Variants in C12orf43 observed in about 807,000 individuals in gnomAD.
The protein encoded by C12orf43 is protein CUSTOS.
Under a neutral mutation model 20.6 loss-of-function variants are expected in C12orf43, and 15 were observed. That is an observed-to-expected ratio of 0.73 (90% CI 0.49 to 1.12). The LOEUF (loss-of-function observed/expected upper bound fraction) is 1.12, where lower values mean the gene tolerates loss of function less well. Ranked by LOEUF, C12orf43 falls within the 50% of genes most tolerant of loss-of-function variation. C12orf43 has a pLI of 0.00. For missense variants in C12orf43, 334 were observed against 344.4 expected (o/e 0.97, Z 0.24); for synonymous variants, 144 against 130.8 (o/e 1.10, Z -0.69).
At chr12:121,009,856 G>A (rs1034406612) in intron 3 of C12orf43, among the ~76,000 whole-genome samples, 4 of 152,238 alleles carry the variant, frequency 2.6e-5, no homozygotes, top group Admixed American at 1.3e-4. Context: ...AACCTGTGCT[G>A]AGAATGTAAG....
chr12:121,007,153 C>T (rs1465026640), intron 3 of C12orf43: 1 of 151,958 alleles, frequency 6.6e-6, no homozygotes, highest in African/African-American at 2.4e-5. Context: ...GCTTCTGGAG[C>T]AGGGCAGACC....
At chr12:121,008,093 G>C (rs2135873407) in intron 3 of C12orf43, among the ~76,000 whole-genome samples, 1 of 151,986 alleles carries the variant, frequency 6.6e-6, no homozygotes, top group South Asian at 2.1e-4. Flanking sequence ...AAGGTTGAGA[G>C]ACACTGACCT....
chr12:121,005,206 G>C lies in C12orf43; in HGVS notation c.362-113C>G. On this transcript the variant is annotated intron_variant, in intron 4 of 5. Coordinates refer to ENST00000288757, the MANE Select transcript of C12orf43 (RefSeq NM_022895.3). This position sits in a 1 kb window ranked among gnomAD's most constrained non-coding sequence, Gnocchi z 5.6. ...AAAAATTTTAAAAAGGAAAACGAAA[G>C]AAAGAAAAGATAAAGAGAAACAAAA... 3 of 537,050 alleles carry C rather than the reference G, an allele frequency of 5.6e-6. No individual in the cohort carries two copies. The highest frequency in any genetic ancestry group is 2.8e-6 in the Non-Finnish European group (1 of 356,964). 33.3% of individuals were successfully genotyped at this position (537,050 alleles called of 1,614,324 possible).
intron 1 of C12orf43, among the ~76,000 whole-genome samples, chr12:121,011,460 AATAGTTATATATATAAC>A (rs1232733207): frequency 6.7e-6 from 1 of 148,422 alleles, no homozygotes; most frequent in Non-Finnish European, 1.5e-5. Context: ...TAAAACTTAA[AATAGTTATATATATAAC>A]TTAGTTATAT....
intron 3 of C12orf43, 84 bp from the exon 4 acceptor site, chr12:121,006,478 G>A: frequency 7.5e-7 from 1 of 1,331,238 alleles, no homozygotes; most frequent in South Asian, 1.2e-5. Context: ...GGAGGGGATG[G>A]GGTATGTGAT....
intron 1 of C12orf43, among the ~76,000 whole-genome samples, chr12:121,013,506 T>C (rs956964884): frequency 2.0e-5 from 3 of 152,192 alleles, no homozygotes; most frequent in African/African-American, 4.8e-5. Context: ...ATCCCCTTCC[T>C]GGATTTGTAA....
rs549306957 is a variant in C12orf43 at position 121,001,405 on chromosome 12, C to T, written c.*2748G>A. The T allele has an allele frequency of 8.3e-6, 5 of 599,446 alleles. No homozygotes were observed. The highest frequency in any genetic ancestry group is 5.8e-5 in the South Asian group (3 of 51,446). 37.1% of individuals were successfully genotyped at this position (599,446 alleles called of 1,614,324 possible). A position where few individuals can be genotyped will look rare whatever the true frequency, so the allele number is the denominator to read the frequency against. ...CTGCTCGGGGTGCACAGGAGGGGGT[C>T]GTGGAGAGCTAGGAGCAAAGCCTGT... On this transcript the variant is annotated 3_prime_UTR_variant, in exon 6 of 6. Transcript: ENST00000288757.
Position 121,005,012 on chromosome 12 carries a change from G to T in C12orf43, c.443C>A (p.Ser148Tyr). Reference protein sequence around the residue: ...SPQPRRKRQPSSSSEDSDEEW... With the variant: ...SPQPRRKRQPYSSSEDSDEEW... Reference sequence around the variant, plus strand: ...AGGTGTGAGTTCTCACCTGGAGCTGGAGGGCTGTCGCTTTCGGCGGGGTTG... The same window carrying T: ...AGGTGTGAGTTCTCACCTGGAGCTGTAGGGCTGTCGCTTTCGGCGGGGTTG... The change falls in exon 5 of 6, where the codon TCC becomes TAC. Residue 148 changes from serine to tyrosine, a missense_variant. Coordinates refer to ENST00000288757, the MANE Select transcript of C12orf43 (RefSeq NM_022895.3). The surrounding 1 kb of genome is among the most constrained non-coding windows in gnomAD (Gnocchi z 5.6). 1 of 1,541,186 alleles carries T rather than the reference G, an allele frequency of 6.5e-7. No individual in the cohort carries two copies.
In C12orf43 at chr12:121,001,312, G is replaced by A; in HGVS notation, c.*2841C>T. 3 of 1,240,376 alleles carry A rather than the reference G, an allele frequency of 2.4e-6. No individual in the cohort carries two copies. Among genetic ancestry groups the A allele is most frequent in the South Asian group, 2.6e-5 (2 of 75,610 alleles). 76.8% of individuals were successfully genotyped at this position (1,240,376 alleles called of 1,614,324 possible). A position where few individuals can be genotyped will look rare whatever the true frequency, so the allele number is the denominator to read the frequency against. Reference sequence around the variant, plus strand: ...ACCGTGGCCCTTCCTGGACAGCTGTGCCTCGCTCCCCACTCTGCTCTGATG... The same window carrying A: ...ACCGTGGCCCTTCCTGGACAGCTGTACCTCGCTCCCCACTCTGCTCTGATG... On this transcript the variant is annotated 3_prime_UTR_variant, in exon 6 of 6. Coordinates refer to ENST00000288757, the MANE Select transcript of C12orf43 (RefSeq NM_022895.3).
rs754302443 is a variant in C12orf43, at chr12:121,016,413, T to C, written c.62A>G (p.Glu21Gly). Residue 21 changes from glutamate (E) to glycine (G), a missense_variant, in exon 1 of 6, where the codon GAG becomes GGG. Physicochemically the swap from Glu to Gly is moderately conservative, Grantham distance 98 (BLOSUM62 -2). Transcript: ENST00000288757. ...CGCCTCGCGGCACCGCTCCAGCTCC[T>C]CCGCATCGCTACTGCTGTTACTACT... ...SESSNSSSDAEELERCREAAM... is the reference protein window; with the variant it reads ...SESSNSSSDAGELERCREAAM... 1.9e-6 allele frequency: 3 copies of C among 1,614,022 alleles called. No individual in the cohort carries two copies. The highest frequency in any genetic ancestry group is 2.2e-5 in the East Asian group (1 of 44,882).
intron 3 of C12orf43, among the ~76,000 whole-genome samples, chr12:121,007,582 T>C (rs1168046250): frequency 6.6e-6 from 1 of 152,234 alleles, no homozygotes; most frequent in Non-Finnish European, 1.5e-5. Context: ...ATGATGACGA[T>C]GCAGATGATG....
chr12:121,016,146 G>T, intron 1 of C12orf43, 184 bp downstream of exon 1: 1 of 925,618 alleles, frequency 1.1e-6, no homozygotes, highest in Non-Finnish European at 1.7e-6. Flanking sequence ...TCCCCGACTG[G>T]AATAATGAAA....
Position 121,000,586 on chromosome 12 carries a change from T to G in C12orf43, c.*3567A>C, listed in dbSNP as rs1592899744. On this transcript the variant is annotated 3_prime_UTR_variant, in exon 6 of 6. Coordinates refer to ENST00000288757, the MANE Select transcript of C12orf43 (RefSeq NM_022895.3). ...ATCTGTTGCTGGCAGCTCTGGGGAG[T>G]GAATTCTGCAGCCTTGAGGCAGAAT... The G allele has an allele frequency of 4.5e-6, 1 of 221,148 alleles. No individual in the cohort carries two copies. The highest frequency in any genetic ancestry group is 9.1e-6 in the Non-Finnish European group (1 of 109,594). 13.7% of individuals were successfully genotyped at this position (221,148 alleles called of 1,614,324 possible). A position where few individuals can be genotyped will look rare whatever the true frequency, so the allele number is the denominator to read the frequency against.
chr12:121,016,275 C>T lies in C12orf43; in HGVS notation c.145+55G>A, dbSNP rs779047303. The T allele has an allele frequency of 6.2e-6, 10 of 1,609,918 alleles. No homozygotes were observed. The South Asian group carries it at 9.9e-5, about 16-fold the overall frequency. ...TCTCCTCACCATCCATCCTCTCAGGCTCCAGGGGAAGATCCCACGCCCCTC... is the reference window on the plus strand; with the variant it reads ...TCTCCTCACCATCCATCCTCTCAGGTTCCAGGGGAAGATCCCACGCCCCTC... On this transcript the variant is annotated intron_variant, in intron 1 of 5. Transcript: ENST00000288757.
At position 121,004,302 on chromosome 12, in the gene C12orf43, T is replaced by G. The variant is rs756637550; in HGVS notation, c.640A>C (p.Ser214Arg). ...TTCTGCTTCTGGACTGTGGCCATGC[T>G]GGTGGGGGTGGTGGCAGCGACAGCC... is the stretch of plus-strand genomic sequence containing the variant. ...DSAVAATTPT[S>R]MATVQKQKSG... The change falls in exon 6 of 6, where the codon AGC becomes CGC. Residue 214 changes from serine to arginine, a missense_variant. Physicochemically the swap from Ser to Arg is moderately radical, Grantham distance 110 (BLOSUM62 -1). Coordinates refer to ENST00000288757, the MANE Select transcript of C12orf43 (RefSeq NM_022895.3). This position sits in a 1 kb window ranked among gnomAD's most constrained non-coding sequence, Gnocchi z 5.6. The G allele has an allele frequency of 3.9e-5, 63 of 1,614,110 alleles. No individual in the cohort carries two copies. The highest frequency in any genetic ancestry group is 5.2e-5 in the Non-Finnish European group (61 of 1,180,048).
intron 1 of C12orf43, among the ~76,000 whole-genome samples, chr12:121,012,843 TC>T (rs988719885): frequency 4.7e-5 from 4 of 84,848 alleles, no homozygotes; most frequent in African/African-American, 1.9e-4. Context: ...AGAGCAAGAC[TC>T]CGTCTAAAAA....
At chr12:121,008,560 G>C (rs557279516) in intron 3 of C12orf43, among the ~76,000 whole-genome samples, 4 of 152,232 alleles carry the variant, frequency 2.6e-5, no homozygotes, top group Non-Finnish European at 4.4e-5. Context: ...AGCAGGCCCT[G>C]TTCAGCCTGA....
chr12:121,002,048 CTCT>C lies in C12orf43; in HGVS notation c.*2102_*2104del. The stretch of plus-strand genomic sequence containing the variant: ...AGTCCAGGTCCTGGTGGGGCAGCTC[CTCT>C]GTCTCGAGCGCCCTGCAGACCCTGC... On this transcript the variant is annotated 3_prime_UTR_variant, in exon 6 of 6. Coordinates refer to ENST00000288757, the MANE Select transcript of C12orf43 (RefSeq NM_022895.3). The C allele has an allele frequency of 1.9e-6, 1 of 536,954 alleles. No individual in the cohort carries two copies. The highest frequency in any genetic ancestry group is 3.6e-6 in the Non-Finnish European group (1 of 276,764). 33.3% of individuals were successfully genotyped at this position (536,954 alleles called of 1,614,324 possible). A position where few individuals can be genotyped will look rare whatever the true frequency, so the allele number is the denominator to read the frequency against.
intron 3 of C12orf43, among the ~76,000 whole-genome samples, chr12:121,008,115 C>T (rs1878160606): frequency 6.6e-6 from 1 of 151,848 alleles, no homozygotes; most frequent in African/African-American, 2.4e-5. Flanking sequence ...ACACTAGGGA[C>T]CAAATGCAGT....
Sources: gnomAD v4.1 joint callset for allele counts (sites outside exome capture counted in the v4.1 genomes callset) on GRCh38, gnomAD v4.1.1 for gene constraint, Gnocchi (gnomAD v3.1) non-coding constraint, MANE v1.5 for transcripts, NCBI Gene and HGNC (gene_info 2026-07-23, HGNC 2026-07-21) for gene names.